The following CTNNA3 variants were observed in gnomAD, a reference collection of about 807,000 sequenced individuals.
CTNNA3 encodes catenin alpha 3.
Under a neutral mutation model 95.7 loss-of-function variants are expected in CTNNA3, and 76 were observed. The ratio of observed to expected loss-of-function variants is 0.79; its 90% confidence interval spans 0.66 to 0.96. The LOEUF (loss-of-function observed/expected upper bound fraction) is 0.96, where lower values mean the gene tolerates loss of function less well. CTNNA3 is among the 40% of genes least tolerant of loss of function. The pLI is 0.00. For missense variants in CTNNA3, 1,191 were observed against 1,089.8 expected (o/e 1.09, Z -1.31); for synonymous variants, 431 against 374.4 (o/e 1.15, Z -1.74).
intron 12 of CTNNA3, among the ~76,000 whole-genome samples, chr10:66,363,004 G>T (rs1197672577): frequency 1.3e-5 from 2 of 152,200 alleles, no homozygotes; most frequent in East Asian, 3.9e-4. Context: ...TAGATCAGAT[G>T]ACTTAGTCTT....
At chr10:67,508,298 C>T (rs1302524678) in intron 5 of CTNNA3, among the ~76,000 whole-genome samples, 1 of 152,102 alleles carries the variant, frequency 6.6e-6, no homozygotes, top group African/African-American at 2.4e-5. Context: ...AGGTGTGAGC[C>T]ACCGTGCCTA....
intron 7 of CTNNA3, among the ~76,000 whole-genome samples, chr10:67,103,659 C>T (rs1858466307): frequency 6.6e-6 from 1 of 151,516 alleles, no homozygotes; most frequent in African/African-American, 2.4e-5. Flanking sequence ...TTGTTAGGCT[C>T]TAAGGATGTG....
intron 11 of CTNNA3, among the ~76,000 whole-genome samples, chr10:66,487,480 C>T (rs1839779870): frequency 6.6e-6 from 1 of 151,894 alleles, no homozygotes; most frequent in Non-Finnish European, 1.5e-5. Context: ...GGATTACAGA[C>T]GCCCCAAAGT....
chr10:67,103,379 A>C (rs897552956), intron 7 of CTNNA3, among the ~76,000 whole-genome samples: 1 of 151,440 alleles, frequency 6.6e-6, no homozygotes, highest in East Asian at 1.9e-4. Context: ...TTCCCCATTA[A>C]CTCTTTCGAG....
At chr10:67,694,281 T>G (rs1222992578) in intron 1 of CTNNA3, among the ~76,000 whole-genome samples, 4 of 152,004 alleles carry the variant, frequency 2.6e-5, no homozygotes, top group African/African-American at 9.7e-5. Context: ...GTAGGAGAGA[T>G]TCCATCCTTC....
intron 15 of CTNNA3, among the ~76,000 whole-genome samples, chr10:66,010,852 C>T (rs1271785119): frequency 6.6e-6 from 1 of 152,178 alleles, no homozygotes; most frequent in Non-Finnish European, 1.5e-5. Context: ...TGCAAGGCCA[C>T]CACTACCAGA....
chr10:66,975,865 A>G (rs930992716), intron 7 of CTNNA3, among the ~76,000 whole-genome samples: 2 of 152,318 alleles, frequency 1.3e-5, no homozygotes, highest in Non-Finnish European at 2.9e-5. Context: ...CTGACCAAAA[A>G]TCTTGGTCTT....
chr10:66,136,382 A>G (rs1381262811), intron 13 of CTNNA3, among the ~76,000 whole-genome samples: 1 of 152,222 alleles, frequency 6.6e-6, no homozygotes, highest in African/African-American at 2.4e-5. Context: ...TGTTTACCTT[A>G]ATGAGTAAGA....
chr10:67,646,173 A>G (rs1358356762), intron 2 of CTNNA3, among the ~76,000 whole-genome samples: 2 of 147,796 alleles, frequency 1.4e-5, no homozygotes, highest in Non-Finnish European at 1.5e-5. Context: ...AAAACAAATG[A>G]GGGTTTTTCT....
intron 7 of CTNNA3, among the ~76,000 whole-genome samples, chr10:66,946,168 C>G (rs1848265304): frequency 6.6e-6 from 1 of 151,960 alleles, no homozygotes; most frequent in Non-Finnish European, 1.5e-5. Flanking sequence ...CAATAAAATG[C>G]AGTACAATAA....
At chr10:67,649,706 C>T (rs1366545443) in intron 1 of CTNNA3, among the ~76,000 whole-genome samples, 1 of 152,196 alleles carries the variant, frequency 6.6e-6, no homozygotes, top group African/African-American at 2.4e-5. Flanking sequence ...AGGCAGAAAA[C>T]TGCATAATTT....
chr10:67,652,881 T>C (rs1417100562), intron 1 of CTNNA3, among the ~76,000 whole-genome samples: 1 of 152,236 alleles, frequency 6.6e-6, no homozygotes, highest in Non-Finnish European at 1.5e-5. Context: ...CTGCCAGACC[T>C]AGCAAATGAG....
chr10:67,217,818 G>A (rs1864452215), intron 6 of CTNNA3, among the ~76,000 whole-genome samples: 1 of 145,150 alleles, frequency 6.9e-6, no homozygotes, highest in South Asian at 2.4e-4. Context: ...TATACAGGTT[G>A]AGCGTTGCTA....
In CTNNA3 at chr10:67,343,015, C is replaced by T. The variant is rs559948266; in HGVS notation, c.580-123145G>A. Among the ~76,000 whole-genome samples the T allele has an allele frequency of 1.3e-3, 192 of 152,240 alleles. 2 individuals are homozygous for T. Among genetic ancestry groups the T allele is most frequent in the African/African-American group, 4.4e-3 (183 of 41,544 alleles). ...TCACCCAGGCTAGAGTACAGTGGCA[C>T]GATCTTGGCTCACTGCAACCTCTGC... On this transcript the variant is annotated intron_variant, in intron 5 of 17. Coordinates refer to ENST00000433211, the MANE Select transcript of CTNNA3 (RefSeq NM_013266.4).
At chr10:66,182,393 C>G (rs1319844881) in intron 13 of CTNNA3, among the ~76,000 whole-genome samples, 2 of 151,940 alleles carry the variant, frequency 1.3e-5, no homozygotes, top group Non-Finnish European at 2.9e-5. Flanking sequence ...GTAGCTGGGA[C>G]TACAGGCGCC....
intron 7 of CTNNA3, chr10:67,052,612 C>G (rs920556602): frequency 2.0e-5 from 3 of 152,052 alleles, no homozygotes; most frequent in Non-Finnish European, 2.9e-5. Context: ...TCCCAAACTG[C>G]CCCATCAAAG....
intron 5 of CTNNA3, among the ~76,000 whole-genome samples, chr10:67,277,603 T>A (rs769296382): frequency 2.0e-5 from 3 of 151,962 alleles, no homozygotes; most frequent in Non-Finnish European, 4.4e-5. Context: ...AGTCACAGGA[T>A]GAGATGGGAA....
intron 7 of CTNNA3, among the ~76,000 whole-genome samples, chr10:66,830,603 C>CTTTTT (rs111968297): frequency 6.8e-6 from 1 of 147,708 alleles, no homozygotes; most frequent in African/African-American, 2.5e-5. Flanking sequence ...ACTAATTTCT[C>CTTTTT]TTTTTTTTTT....
At chr10:66,933,179 A>G (rs765500940) in intron 7 of CTNNA3, among the ~76,000 whole-genome samples, 2 of 152,250 alleles carry the variant, frequency 1.3e-5, no homozygotes, top group Non-Finnish European at 2.9e-5. Context: ...AGTAACCTCC[A>G]TGTTACAGAA....
Sources: gnomAD v4.1 joint callset for allele counts (sites outside exome capture counted in the v4.1 genomes callset) on GRCh38, gnomAD v4.1.1 for gene constraint, MANE v1.5 for transcripts, NCBI Gene and HGNC (gene_info 2026-07-23, HGNC 2026-07-21) for gene names.